Variants in FOXP2 observed in about 807,000 individuals in gnomAD.
The protein encoded by FOXP2 is forkhead box protein P2.
A neutral mutation model predicts 115.8 loss-of-function variants in FOXP2; 12 were observed. That is an observed-to-expected ratio of 0.10 (90% confidence interval 0.07 to 0.17). The LOEUF (loss-of-function observed/expected upper bound fraction) is 0.17, where lower values mean the gene tolerates loss of function less well. Among genes scored for constraint, FOXP2 ranks in the 10% least tolerant of loss-of-function variants. The probability of loss-of-function intolerance (pLI) is 1.00; values close to 1 mark genes in which losing one functional copy is unlikely to be tolerated. For synonymous variants in FOXP2, 328 were observed against 297.7 expected (o/e 1.10, Z -1.05); for missense variants, 629 against 843.5 (o/e 0.75, Z 3.15).
At chr7:114,221,349 T>C (rs2129163735) in intron 1 of FOXP2, among the ~76,000 whole-genome samples, 1 of 152,318 alleles carries the variant, frequency 6.6e-6, no homozygotes, top group East Asian at 1.9e-4. Context: ...GGCTGGGTAC[T>C]GCCAAGACAT....
At chr7:114,657,792 G>A (rs1203348063) in intron 10 of FOXP2, among the ~76,000 whole-genome samples, 2 of 152,168 alleles carry the variant, frequency 1.3e-5, no homozygotes, top group African/African-American at 4.8e-5. Context: ...TTTTATTTAA[G>A]GAAATAGACT....
intron 16 of FOXP2, among the ~76,000 whole-genome samples, chr7:114,685,154 G>A (rs900156502): frequency 6.6e-6 from 1 of 152,080 alleles, no homozygotes; most frequent in Admixed American, 6.6e-5. Flanking sequence ...TCCCAGTGGT[G>A]CATGTTTTCC....
chr7:114,212,364 T>G (rs373920897), intron 1 of FOXP2, among the ~76,000 whole-genome samples: 17 of 152,204 alleles, frequency 1.1e-4, no homozygotes, highest in Middle Eastern at 3.4e-3. Context: ...AATTCACTTT[T>G]GTTGAACACC....
In FOXP2 at chr7:114,691,659, C is replaced by G. The variant is rs1808672088; in HGVS notation, c.*1733C>G. 2.2e-6 allele frequency: 1 copy of G among 453,844 alleles called. No homozygotes were observed. 28.1% of individuals were successfully genotyped at this position (453,844 alleles called of 1,614,324 possible). On this transcript the variant is annotated 3_prime_UTR_variant, in exon 17 of 17. Coordinates refer to ENST00000350908, the MANE Select transcript of FOXP2 (RefSeq NM_014491.4). The stretch of plus-strand genomic sequence containing the variant: ...GTGCCAAGTCTTGATAATACTTTTT[C>G]CCCCAACCAAGGGACCTCATAACCT...
intron 2 of FOXP2, among the ~76,000 whole-genome samples, chr7:114,466,181 A>G (rs143246328): frequency 6.6e-6 from 1 of 152,148 alleles, no homozygotes; most frequent in Admixed American, 6.5e-5. Context: ...TGGCCACTTT[A>G]TATTACTGGA....
At chr7:114,491,225 G>C (rs1797035823) in intron 2 of FOXP2, among the ~76,000 whole-genome samples, 1 of 152,144 alleles carries the variant, frequency 6.6e-6, no homozygotes, top group Non-Finnish European at 1.5e-5. Context: ...GTATCTCATT[G>C]TGGTTTTGAT....
At chr7:114,202,768 G>A (rs1397592404) in intron 1 of FOXP2, among the ~76,000 whole-genome samples, 4 of 152,052 alleles carry the variant, frequency 2.6e-5, no homozygotes, top group East Asian at 1.9e-4. Context: ...CTAATTAGAC[G>A]TTTTGAGGAT....
At chr7:114,684,362 C>T (rs1808247239) in intron 16 of FOXP2, among the ~76,000 whole-genome samples, 1 of 152,200 alleles carries the variant, frequency 6.6e-6, no homozygotes, top group African/African-American at 2.4e-5. Flanking sequence ...CCTCCGAGGT[C>T]TTCTCAAGTG....
chr7:114,506,407 A>G (rs1797820876), intron 2 of FOXP2, among the ~76,000 whole-genome samples: 1 of 151,660 alleles, frequency 6.6e-6, no homozygotes, highest in African/African-American at 2.4e-5. Flanking sequence ...GTACTCTTGT[A>G]TCAATTATAT....
intron 3 of FOXP2, among the ~76,000 whole-genome samples, chr7:114,596,497 A>G (rs1465835141): frequency 6.6e-6 from 1 of 152,152 alleles, no homozygotes; most frequent in Non-Finnish European, 1.5e-5. Flanking sequence ...CTAATCAGCC[A>G]TTTAACAAGC....
intron 1 of FOXP2, among the ~76,000 whole-genome samples, chr7:114,205,917 A>G (rs1794190440): frequency 6.6e-6 from 1 of 152,198 alleles, no homozygotes. Flanking sequence ...ATATCACAGC[A>G]TCCACTACAC....
At chr7:114,145,948 A>G (rs969077465) in intron 1 of FOXP2, among the ~76,000 whole-genome samples, 4 of 152,202 alleles carry the variant, frequency 2.6e-5, no homozygotes, top group African/African-American at 9.6e-5. Flanking sequence ...AAGTAGCAAA[A>G]CATTATTCTT....
At chr7:114,524,884 C>G (rs1412344440) in intron 2 of FOXP2, among the ~76,000 whole-genome samples, 1 of 152,020 alleles carries the variant, frequency 6.6e-6, no homozygotes, top group Non-Finnish European at 1.5e-5. Flanking sequence ...CATATTCATT[C>G]AGATGTGGTG....
At chr7:114,304,014 G>A (rs546631399) in intron 2 of FOXP2, among the ~76,000 whole-genome samples, 33 of 152,142 alleles carry the variant, frequency 2.2e-4, no homozygotes, top group Middle Eastern at 3.4e-3. Context: ...GAATTCAAAT[G>A]CAATTATAAT....
At chr7:114,313,920 A>G (rs1170409978) in intron 2 of FOXP2, among the ~76,000 whole-genome samples, 1 of 152,110 alleles carries the variant, frequency 6.6e-6, no homozygotes, top group Non-Finnish European at 1.5e-5. Context: ...TAACTGATCA[A>G]TATTTTTTCA....
intron 1 of FOXP2, among the ~76,000 whole-genome samples, chr7:114,199,865 C>T (rs545331748): frequency 6.6e-6 from 1 of 152,118 alleles, no homozygotes; most frequent in South Asian, 2.1e-4. Flanking sequence ...GACTGATATA[C>T]AACACAGCTG....
At chr7:114,338,694 A>G (rs1791115516) in intron 2 of FOXP2, among the ~76,000 whole-genome samples, 1 of 150,794 alleles carries the variant, frequency 6.6e-6, no homozygotes, top group African/African-American at 2.4e-5. Context: ...ATTCACTAAG[A>G]GTGTAGTCTG....
chr7:114,241,138 T>C (rs1269241071), intron 1 of FOXP2, among the ~76,000 whole-genome samples: 1 of 152,052 alleles, frequency 6.6e-6, no homozygotes, highest in Non-Finnish European at 1.5e-5. Flanking sequence ...GTAGAATCCA[T>C]TACCACACCA....
At chr7:114,190,846 G>T (rs1034111001) in intron 1 of FOXP2, among the ~76,000 whole-genome samples, 1 of 152,088 alleles carries the variant, frequency 6.6e-6, no homozygotes, top group Non-Finnish European at 1.5e-5. Flanking sequence ...AAGAAAAATT[G>T]CTATCAAATT....
Sources: gnomAD v4.1 joint callset for allele counts (sites outside exome capture counted in the v4.1 genomes callset) on GRCh38, gnomAD v4.1.1 for gene constraint, MANE v1.5 for transcripts, NCBI Gene and HGNC (gene_info 2026-07-23, HGNC 2026-07-21) for gene names.